Variants in RBM47 observed in about 807,000 individuals in gnomAD.
RBM47 encodes RNA-binding protein 47.
In RBM47, 21 loss-of-function variants were observed where a neutral mutation model predicts 47.1. That is an observed-to-expected ratio of 0.45 (90% CI 0.32 to 0.64). The LOEUF (loss-of-function observed/expected upper bound fraction) is 0.64, where lower values mean the gene tolerates loss of function less well. Among genes scored for constraint, RBM47 ranks in the 30% least tolerant of loss-of-function variants. RBM47 has a pLI of 0.05. For missense variants in RBM47, 708 were observed against 870.9 expected (o/e 0.81, Z 2.35); for synonymous variants, 375 against 361.7 (o/e 1.04, Z -0.42).
intron 3 of RBM47, among the ~76,000 whole-genome samples, chr4:40,446,518 G>A (rs776415666): frequency 2.6e-5 from 4 of 152,040 alleles, no homozygotes; most frequent in Admixed American, 1.3e-4. Flanking sequence ...CAGGAGAATT[G>A]CTTGAGCTCA....
intron 2 of RBM47, among the ~76,000 whole-genome samples, chr4:40,503,653 T>C (rs939072574): frequency 1.3e-5 from 2 of 152,142 alleles, no homozygotes; most frequent in Non-Finnish European, 2.9e-5. Flanking sequence ...TTAGAAATAA[T>C]ATGTATTATA....
intron 4 of RBM47, 25 bp downstream of exon 4, chr4:40,437,746 A>G (rs1046747559): frequency 1.2e-5 from 19 of 1,575,784 alleles, no homozygotes; most frequent in Non-Finnish European, 1.6e-5. Context: ...TGGGGGCCCC[A>G]CCCAGGAGAA....
intron 2 of RBM47, among the ~76,000 whole-genome samples, chr4:40,533,599 G>A (rs1190692742): frequency 6.6e-6 from 1 of 152,048 alleles, no homozygotes; most frequent in Admixed American, 6.6e-5. Flanking sequence ...AATTAAATCA[G>A]AGTCTCAGTA....
intron 2 of RBM47, among the ~76,000 whole-genome samples, chr4:40,482,389 G>A (rs568978282): frequency 1.8e-4 from 28 of 152,172 alleles, no homozygotes; most frequent in African/African-American, 6.3e-4. Flanking sequence ...AAGTAGCTGG[G>A]ACTACATGTT....
At chr4:40,586,859 G>A (rs939050781) in intron 1 of RBM47, among the ~76,000 whole-genome samples, 5 of 152,038 alleles carry the variant, frequency 3.3e-5, no homozygotes, top group Non-Finnish European at 5.9e-5. Context: ...ACAGTGGCAC[G>A]GTATGAAGGG....
intron 1 of RBM47, among the ~76,000 whole-genome samples, chr4:40,556,710 C>A (rs1233314099): frequency 6.6e-6 from 1 of 151,218 alleles, no homozygotes; most frequent in Non-Finnish European, 1.5e-5. Context: ...GGCAATATGG[C>A]GAAATCTTGT....
chr4:40,533,977 G>A (rs867346166), intron 2 of RBM47, among the ~76,000 whole-genome samples: 1 of 151,748 alleles, frequency 6.6e-6, no homozygotes, highest in Admixed American at 6.6e-5. Flanking sequence ...CACCACGCCC[G>A]GCTAATTCTG....
intron 1 of RBM47, among the ~76,000 whole-genome samples, chr4:40,580,315 C>G (rs987570288): frequency 2.6e-5 from 4 of 151,948 alleles, no homozygotes; most frequent in African/African-American, 9.7e-5. Flanking sequence ...CTAGTACCTT[C>G]TCTTTGTTGT....
At chr4:40,455,863 T>G (rs1295645319) in intron 3 of RBM47, among the ~76,000 whole-genome samples, 2 of 152,238 alleles carry the variant, frequency 1.3e-5, no homozygotes, top group Non-Finnish European at 2.9e-5. Context: ...TCAAGGATCT[T>G]CTTTTTGTAG....
rs750922605 is a variant in RBM47 at position 40,437,073 on chromosome 4, C to CAAAAAAAA, written c.1124-434_1124-427dup. On this transcript the variant is annotated intron_variant, in intron 4 of 6. Coordinates refer to ENST00000295971, the MANE Select transcript of RBM47 (RefSeq NM_001098634.2). ...TGGGGAGCATGGTGAGACCCTGTCT[C>CAAAAAAAA]AAAAAAAAAAAAAAAAAATATATAT... Among the ~76,000 whole-genome samples, 72 of 21,284 alleles carry CAAAAAAAA rather than the reference C, an allele frequency of 3.4e-3. 18 individuals are homozygous for CAAAAAAAA. Among genetic ancestry groups the CAAAAAAAA allele is most frequent in the African/African-American group, 0.015 (65 of 4,458 alleles). The allele number at this position is 21,284 out of a possible 152,430, so 14.0% of individuals were successfully genotyped here.
intron 2 of RBM47, chr4:40,543,187 A>T (rs1728708267): frequency 6.6e-6 from 1 of 152,200 alleles, no homozygotes; most frequent in Non-Finnish European, 1.5e-5. Context: ...CTGTGGCATT[A>T]ACTCTCAAGA....
intron 1 of RBM47, among the ~76,000 whole-genome samples, chr4:40,600,307 C>T (rs569650830): frequency 6.6e-6 from 1 of 152,034 alleles, no homozygotes; most frequent in South Asian, 2.1e-4. Flanking sequence ...GCCACCACAA[C>T]TGGCCTAAAG....
intron 2 of RBM47, among the ~76,000 whole-genome samples, chr4:40,506,049 A>G (rs1308354215): frequency 6.6e-6 from 1 of 152,212 alleles, no homozygotes; most frequent in Non-Finnish European, 1.5e-5. Context: ...TGACCTATCT[A>G]CTATCAAACA....
chr4:40,511,064 A>G (rs1401810386), intron 2 of RBM47, among the ~76,000 whole-genome samples: 2 of 152,208 alleles, frequency 1.3e-5, no homozygotes, highest in Non-Finnish European at 2.9e-5. Flanking sequence ...ACCTATACGC[A>G]TTCAGTTTTT....
At chr4:40,499,982 C>T (rs73145584) in intron 2 of RBM47, among the ~76,000 whole-genome samples, 24,426 of 152,242 alleles carry the variant, frequency 0.16, 2,015 homozygotes, top group East Asian at 0.26. Context: ...CCCAAAGCTA[C>T]TAGCTGTGCT....
intron 1 of RBM47, among the ~76,000 whole-genome samples, chr4:40,593,803 G>A (rs1220444644): frequency 4.6e-5 from 7 of 150,974 alleles, no homozygotes; most frequent in East Asian, 3.9e-4. Flanking sequence ...AGAATGGCGC[G>A]AACCTGGGAG....
At chr4:40,453,679 T>C (rs1715791435) in intron 3 of RBM47, among the ~76,000 whole-genome samples, 1 of 152,140 alleles carries the variant, frequency 6.6e-6, no homozygotes, top group Admixed American at 6.5e-5. Flanking sequence ...TCCCACCCCA[T>C]GTCTAGTATT....
rs185888411 is a variant in RBM47 at position 40,518,936 on chromosome 4, G to A, written c.-155+25486C>T. Among the ~76,000 whole-genome samples, 14 of 152,096 alleles carry A rather than the reference G, an allele frequency of 9.2e-5. No individual in the cohort carries two copies. The East Asian group carries it at 2.1e-3, about 23-fold the overall frequency. ...CAGCCCAGGAGTGGTGGCTCACACC[G>A]GTAGTCCCAGCACTCTGGGAGTCCC... is the stretch of plus-strand genomic sequence containing the variant. On this transcript the variant is annotated intron_variant, in intron 2 of 6. Coordinates refer to ENST00000295971, the MANE Select transcript of RBM47 (RefSeq NM_001098634.2).
intron 2 of RBM47, among the ~76,000 whole-genome samples, chr4:40,519,639 C>G (rs1272637868): frequency 6.9e-6 from 1 of 145,766 alleles, no homozygotes; most frequent in Non-Finnish European, 1.5e-5. Flanking sequence ...TCCTCTCCCA[C>G]TTCCCTCTAC....
Sources: allele counts gnomAD v4.1 joint callset (sites outside exome capture counted in the v4.1 genomes callset), GRCh38; gene constraint gnomAD v4.1.1; transcripts MANE v1.5; gene names NCBI Gene and HGNC (gene_info 2026-07-23, HGNC 2026-07-21).